The following RBFOX1 variants were observed in gnomAD, a reference collection of about 807,000 sequenced individuals.
The protein encoded by RBFOX1 is RNA binding protein fox-1 homolog 1.
RBFOX1 carries 8 observed loss-of-function variants against 57.7 expected under a neutral mutation model. That is an observed-to-expected ratio of 0.14 (90% CI 0.08 to 0.25). RBFOX1 has a LOEUF of 0.25. Among genes scored for constraint, RBFOX1 ranks in the 10% least tolerant of loss-of-function variants. The pLI is 1.00. For synonymous variants in RBFOX1, 326 were observed against 222.4 expected (o/e 1.47, Z -4.15); for missense variants, 611 against 548.5 (o/e 1.11, Z -1.14).
chr16:7,253,423 T>C (rs2094562825), intron 4 of RBFOX1, among the ~76,000 whole-genome samples: 1 of 152,162 alleles, frequency 6.6e-6, no homozygotes, highest in African/African-American at 2.4e-5. Flanking sequence ...CTCAACCTCT[T>C]CCTTGTCCTT....
At chr16:6,857,645 C>G (rs914097328) in intron 3 of RBFOX1, among the ~76,000 whole-genome samples, 2 of 152,116 alleles carry the variant, frequency 1.3e-5, no homozygotes, top group Non-Finnish European at 2.9e-5. Flanking sequence ...TGTAAGATGC[C>G]CCTAAGGCTA....
At chr16:6,741,158 C>T (rs1029987994) in intron 3 of RBFOX1, among the ~76,000 whole-genome samples, 7 of 152,032 alleles carry the variant, frequency 4.6e-5, no homozygotes, top group Non-Finnish European at 8.8e-5. Context: ...GAACAATTGG[C>T]TATTTATAGG....
Position 6,975,880 on chromosome 16 carries a change from A to G in RBFOX1, c.-15-76177A>G, listed in dbSNP as rs577582691. ...GGTGGTGCACACCTGTAATCGCAGC[A>G]CTTTGGGAGGCTGAGGTAGGTGGTC... is the stretch of plus-strand genomic sequence containing the variant. On this transcript the variant is annotated intron_variant, in intron 3 of 15. Transcript: ENST00000550418. 6.1e-4 allele frequency among the ~76,000 whole-genome samples: 93 copies of G among 152,292 alleles called. 2 individuals carry two copies. The highest frequency in any genetic ancestry group is 6.1e-3 in the Admixed American group (93 of 15,290).
chr16:5,632,287 C>T (rs1478397232), intron 3 of RBFOX1, among the ~76,000 whole-genome samples: 2 of 152,210 alleles, frequency 1.3e-5, no homozygotes, highest in Non-Finnish European at 2.9e-5. Context: ...GGAGTTACAC[C>T]TGCTGGGTTC....
intron 2 of RBFOX1, among the ~76,000 whole-genome samples, chr16:5,544,478 T>C (rs1012676523): frequency 2.0e-5 from 3 of 151,974 alleles, no homozygotes; most frequent in South Asian, 4.1e-4. Flanking sequence ...AATTTCACTC[T>C]AAGAGACTAG....
At chr16:7,228,708 C>T (rs1482650547) in intron 4 of RBFOX1, among the ~76,000 whole-genome samples, 4 of 152,106 alleles carry the variant, frequency 2.6e-5, no homozygotes, top group Admixed American at 6.5e-5. Context: ...CAATTCAGGA[C>T]GACGTGAAAG....
chr16:6,824,576 T>A (rs541562513), intron 3 of RBFOX1, among the ~76,000 whole-genome samples: 11 of 152,308 alleles, frequency 7.2e-5, no homozygotes, highest in African/African-American at 2.6e-4. Flanking sequence ...TAAATACTAA[T>A]ACAAGTCTGT....
intron 4 of RBFOX1, among the ~76,000 whole-genome samples, chr16:7,199,306 G>T (rs112965447): frequency 4.0e-5 from 6 of 149,782 alleles, no homozygotes; most frequent in African/African-American, 1.5e-4. Flanking sequence ...AATAATTCAG[G>T]ATCCACTGAG....
intron 4 of RBFOX1, among the ~76,000 whole-genome samples, chr16:7,266,583 A>G (rs551227604): frequency 2.2e-3 from 333 of 152,292 alleles, no homozygotes; most frequent in African/African-American, 7.6e-3. Context: ...CCAAAGCTCT[A>G]TCTCTGAATA....
intron 2 of RBFOX1, among the ~76,000 whole-genome samples, chr16:6,479,049 AG>A (rs2153092661): frequency 6.6e-6 from 1 of 152,340 alleles, no homozygotes; most frequent in South Asian, 2.1e-4. Flanking sequence ...ATATCTGCAA[AG>A]CATGATAAAG....
At chr16:6,295,078 C>G (rs909401140) in intron 1 of RBFOX1, among the ~76,000 whole-genome samples, 4 of 147,162 alleles carry the variant, frequency 2.7e-5, no homozygotes, top group Admixed American at 6.8e-5. Context: ...CCATTTCTGG[C>G]AAAGAGCTCT....
chr16:7,121,186 T>C (rs2067101054), intron 4 of RBFOX1, among the ~76,000 whole-genome samples: 1 of 151,874 alleles, frequency 6.6e-6, no homozygotes, highest in Non-Finnish European at 1.5e-5. Context: ...GTGACTGCTA[T>C]CTCCATTAGA....
chr16:6,358,854 G>C (rs2087870699), intron 2 of RBFOX1, among the ~76,000 whole-genome samples: 1 of 152,188 alleles, frequency 6.6e-6, no homozygotes, highest in African/African-American at 2.4e-5. Flanking sequence ...TGGAGAGAGG[G>C]GAGAAAGTGC....
chr16:6,243,853 G>T (rs1296121054), intron 1 of RBFOX1, among the ~76,000 whole-genome samples: 1 of 152,200 alleles, frequency 6.6e-6, no homozygotes, highest in Non-Finnish European at 1.5e-5. Flanking sequence ...AGACCATCCA[G>T]AGGGGAGTAT....
chr16:6,906,337 C>A (rs563227510), intron 3 of RBFOX1, among the ~76,000 whole-genome samples: 1 of 151,846 alleles, frequency 6.6e-6, no homozygotes, highest in Non-Finnish European at 1.5e-5. Context: ...GTGTCTCAGG[C>A]ACTACCTAAT....
At chr16:6,891,466 A>G (rs2065399531) in intron 3 of RBFOX1, among the ~76,000 whole-genome samples, 1 of 139,904 alleles carries the variant, frequency 7.1e-6, no homozygotes, top group South Asian at 2.2e-4. Flanking sequence ...CACACACACT[A>G]GAGAGAGAGA....
At chr16:5,765,563 T>TAA (rs2053747273) in intron 3 of RBFOX1, among the ~76,000 whole-genome samples, 1 of 151,900 alleles carries the variant, frequency 6.6e-6, no homozygotes, top group South Asian at 2.1e-4. Context: ...ACACAGAGAG[T>TAA]GCTTAATAAC....
chr16:6,452,480 C>T (rs780796061), intron 2 of RBFOX1, among the ~76,000 whole-genome samples: 16 of 152,172 alleles, frequency 1.1e-4, no homozygotes, highest in Admixed American at 3.3e-4. Flanking sequence ...CCTTCCATGA[C>T]TCCAGTGCCA....
chr16:5,411,725 C>A (rs2067026493), intron 1 of RBFOX1, among the ~76,000 whole-genome samples: 1 of 151,100 alleles, frequency 6.6e-6, no homozygotes, highest in East Asian at 1.9e-4. Context: ...CATGGAAAGA[C>A]CCCATCTGTA....
Sources: gnomAD v4.1 joint callset for allele counts (sites outside exome capture counted in the v4.1 genomes callset) on GRCh38, gnomAD v4.1.1 for gene constraint, MANE v1.5 for transcripts, NCBI Gene and HGNC (gene_info 2026-07-23, HGNC 2026-07-21) for gene names.